IARS1: variants seen among roughly 807,000 people sequenced by gnomAD.
IARS1 encodes isoleucyl-tRNA synthetase 1, also known as isoleucine--tRNA ligase, cytoplasmic.
IARS1 carries 124 observed loss-of-function variants against 168.2 expected under a neutral mutation model. That is an observed-to-expected ratio of 0.74 (90% CI 0.64 to 0.86). The LOEUF is 0.86. Ranked by LOEUF, IARS1 falls within the 40% of genes least tolerant of loss-of-function variation. The probability of loss-of-function intolerance (pLI) is 0.00; values close to 1 mark genes in which losing one functional copy is unlikely to be tolerated. For missense variants in IARS1, 1,452 were observed against 1,515.8 expected (o/e 0.96, Z 0.70); for synonymous variants, 532 against 529.4 (o/e 1.00, Z -0.07).
chr9:92,288,213 T>C lies in IARS1; in HGVS notation c.189A>G (p.Thr63=), dbSNP rs1271412215. 6.2e-7 allele frequency: 1 copy of C among 1,613,914 alleles called. No homozygotes were observed. Among genetic ancestry groups the C allele is most frequent in the African/African-American group, 1.3e-5 (1 of 74,918 alleles). ...CATATCTTGTAACTATATCTTTAAT[T>C]GTACCCGCAAGTATATGTCCATAGT... ...LPHYGHILAG[T]IKDIVTRYAH... Residue 63 remains threonine (T), a synonymous_variant, in exon 3 of 34, where the codon ACA becomes ACG. Coordinates refer to ENST00000443024, the MANE Select transcript of IARS1 (RefSeq NM_002161.6).
At chr9:92,216,613 G>T (rs1838749301) in intron 33 of IARS1, among the ~76,000 whole-genome samples, 1 of 133,072 alleles carries the variant, frequency 7.5e-6, no homozygotes, top group East Asian at 2.1e-4. Flanking sequence ...AAAAGGCAGG[G>T]GTTGCAATCC....
In IARS1 at chr9:92,250,629, A is replaced by G. The variant is rs887681688; in HGVS notation, c.2429+84T>C. On this transcript the variant is annotated intron_variant, in intron 23 of 33. Transcript: ENST00000443024. ...GGCAAGGCACAGATGGAGCTGGAGC[A>G]GGGAAATCCCTCCTCTTCCCCACAT... 3 of 1,395,050 alleles carry G rather than the reference A, an allele frequency of 2.2e-6. No homozygotes were observed. The African/African-American group carries it at 4.3e-5, about 20-fold the overall frequency. 86.4% of individuals were successfully genotyped at this position (1,395,050 alleles called of 1,614,324 possible). A position where few individuals can be genotyped will look rare whatever the true frequency, so the allele number is the denominator to read the frequency against.
intron 30 of IARS1, among the ~76,000 whole-genome samples, chr9:92,235,432 T>C (rs948648141): frequency 6.6e-6 from 1 of 152,164 alleles, no homozygotes; most frequent in Non-Finnish European, 1.5e-5. Context: ...TGAATGGGTG[T>C]TGAATTTGAT....
intron 31 of IARS1, among the ~76,000 whole-genome samples, chr9:92,228,337 T>C (rs1371354957): frequency 6.6e-6 from 1 of 152,086 alleles, no homozygotes. Flanking sequence ...GGAGAATGCA[T>C]CTATAATTCT....
chr9:92,251,017 A>AG, intron 22 of IARS1, 183 bp from the exon 23 acceptor site: 1 of 656,864 alleles, frequency 1.5e-6, no homozygotes, highest in Non-Finnish European at 2.7e-6. Flanking sequence ...GCATAGCTGC[A>AG]GGACTGTAGA....
At position 92,249,895 on chromosome 9, in the gene IARS1, A is replaced by G; in HGVS notation, c.2579T>C (p.Leu860Pro). The G allele has an allele frequency of 6.2e-7, 1 of 1,607,686 alleles. No homozygotes were observed. Among genetic ancestry groups the G allele is most frequent in the Non-Finnish European group, 8.5e-7 (1 of 1,174,480 alleles). Residue 860 changes from leucine (L) to proline (P), a missense_variant, in exon 25 of 34, where the codon CTT (leucine) becomes CCT (proline). Coordinates refer to ENST00000443024, the MANE Select transcript of IARS1 (RefSeq NM_002161.6). ...IVVIHQDPEA[L>P]KDIKSLEKYI... ...CTTCTCCAAAGACTTGATATCTTTAAGAGCTTCTGGATCTTGATGGATAAC... is the reference window on the plus strand; with the variant it reads ...CTTCTCCAAAGACTTGATATCTTTAGGAGCTTCTGGATCTTGATGGATAAC...
At chr9:92,235,981 CT>C (rs920422763) in intron 30 of IARS1, among the ~76,000 whole-genome samples, 6 of 149,430 alleles carry the variant, frequency 4.0e-5, no homozygotes, top group Admixed American at 6.7e-5. Flanking sequence ...TGTTTTCTAT[CT>C]TTTTTTTTTC....
rs1016269384 is a variant in IARS1, at chr9:92,293,656, T to G, written c.-53A>C. The G allele has an allele frequency of 2.4e-5, 7 of 285,916 alleles. No individual in the cohort carries two copies. In the East Asian group the frequency reaches 3.6e-4, roughly 15 times the overall value. The allele number at this position is 285,916 out of a possible 1,614,324, so 17.7% of individuals were successfully genotyped here. ...GGACAGCCCCGCGGGCCAGCAAGCCTAAAAGCAACTCATCCGGCGTCCACG... is the reference window on the plus strand; with the variant it reads ...GGACAGCCCCGCGGGCCAGCAAGCCGAAAAGCAACTCATCCGGCGTCCACG... On this transcript the variant is annotated 5_prime_UTR_variant, in exon 1 of 34. The change abolishes the stop of an existing upstream ORF in the 5' untranslated region. Coordinates refer to ENST00000443024, the MANE Select transcript of IARS1 (RefSeq NM_002161.6).
chr9:92,277,743 G>A, intron 9 of IARS1, 120 bp downstream of exon 9: 1 of 725,008 alleles, frequency 1.4e-6, no homozygotes, highest in Non-Finnish European at 2.3e-6. Flanking sequence ...TGGTACTAAA[G>A]CAGACTTTCT....
rs764491087 is a variant in IARS1, at chr9:92,235,091, C to A, written c.3283+5765G>T. Among the ~76,000 whole-genome samples the A allele has an allele frequency of 6.6e-5, 10 of 152,286 alleles. No homozygotes were observed. In the South Asian group the frequency reaches 8.3e-4, roughly 13 times the overall value. On this transcript the variant is annotated intron_variant, in intron 30 of 33. Transcript: ENST00000443024. The stretch of plus-strand genomic sequence containing the variant: ...ACCTCAGGTGATCTGCCTGCCTTAG[C>A]TCCCAAAGTGGGATTACAGGCGTGA...
chr9:92,259,407 CAG>C (rs1051547023), intron 18 of IARS1, among the ~76,000 whole-genome samples: 31 of 152,146 alleles, frequency 2.0e-4, no homozygotes, highest in African/African-American at 7.2e-4. Flanking sequence ...CTTCACAGAG[CAG>C]AGTCTTGACA....
intron 33 of IARS1, among the ~76,000 whole-genome samples, 180 bp downstream of exon 33, chr9:92,222,340 C>CAAAA (rs60335070): frequency 0.015 from 828 of 55,254 alleles, no homozygotes; most frequent in African/African-American, 0.023. Flanking sequence ...GACTCAGTCT[C>CAAAA]AAAAAAAAAA....
chr9:92,266,420 GC>G (rs967918435), intron 14 of IARS1, among the ~76,000 whole-genome samples: 2 of 152,224 alleles, frequency 1.3e-5, no homozygotes, highest in African/African-American at 2.4e-5. Flanking sequence ...CTAAAACACA[GC>G]TAGGCTATAT....
chr9:92,245,768 A>ATTTTT (rs572872450), intron 26 of IARS1, among the ~76,000 whole-genome samples: 1 of 143,386 alleles, frequency 7.0e-6, no homozygotes, highest in Non-Finnish European at 1.5e-5. Flanking sequence ...TAGCCCAGGA[A>ATTTTT]TTTTTTTTTT....
At chr9:92,229,274 GCTT>G (rs1397002789) in intron 30 of IARS1, 148 bp from the exon 31 acceptor site, 1 of 617,128 alleles carries the variant, frequency 1.6e-6, no homozygotes, top group Non-Finnish European at 2.7e-6. Context: ...TGTATATATA[GCTT>G]ATTATATACA....
At chr9:92,232,171 C>G (rs1435017826) in intron 30 of IARS1, among the ~76,000 whole-genome samples, 3 of 152,290 alleles carry the variant, frequency 2.0e-5, no homozygotes, top group Non-Finnish European at 4.4e-5. Flanking sequence ...TTAATGATAG[C>G]TAGCTTTGTT....
chr9:92,250,386 A>G, intron 23 of IARS1, 97 bp from the exon 24 acceptor site: 4 of 823,916 alleles, frequency 4.9e-6, no homozygotes, highest in Non-Finnish European at 8.2e-6. Context: ...GTCAGGCTAG[A>G]GAAGTGTGGC....
Position 92,271,701 on chromosome 9 carries a change from G to A in IARS1, c.991-46C>T, listed in dbSNP as rs1381574142. 3.1e-6 allele frequency: 5 copies of A among 1,602,614 alleles called. No individual in the cohort carries two copies. The South Asian group carries it at 3.3e-5, about 11-fold the overall frequency. On this transcript the variant is annotated intron_variant, in intron 10 of 33. Coordinates refer to ENST00000443024, the MANE Select transcript of IARS1 (RefSeq NM_002161.6). ...GGGAAGAATAAAACAGTCTATGTAT[G>A]GGTGTGAGCATGAGGTAATAGATTC...
chr9:92,287,738 C>T (rs1835674723), intron 4 of IARS1, 53 bp downstream of exon 4: 6 of 1,555,378 alleles, frequency 3.9e-6, no homozygotes, highest in South Asian at 2.4e-5. Context: ...CATTTCAATG[C>T]CCATTTAGTA....
Sources: allele counts gnomAD v4.1 joint callset (sites outside exome capture counted in the v4.1 genomes callset), GRCh38; gene constraint gnomAD v4.1.1; transcripts MANE v1.5; gene names NCBI Gene and HGNC (gene_info 2026-07-23, HGNC 2026-07-21).